The following SLCO1B1 variants were observed in gnomAD, a reference collection of about 807,000 sequenced individuals.
SLCO1B1 encodes OATP-2.
Under a neutral mutation model 70.1 loss-of-function variants are expected in SLCO1B1, and 81 were observed. That is an observed-to-expected ratio of 1.16 (90% CI 0.97 to 1.39). SLCO1B1 has a LOEUF of 1.39. Ranked by LOEUF, SLCO1B1 falls within the 40% of genes most tolerant of loss-of-function variation. The probability of loss-of-function intolerance (pLI) is 0.00; values close to 1 mark genes in which losing one functional copy is unlikely to be tolerated. For synonymous variants in SLCO1B1, 283 were observed against 271.5 expected (o/e 1.04, Z -0.42); for missense variants, 895 against 799.6 (o/e 1.12, Z -1.44).
chr12:21,191,771 C>G (rs1370767979), intron 7 of SLCO1B1, among the ~76,000 whole-genome samples: 1 of 151,964 alleles, frequency 6.6e-6, no homozygotes, highest in Non-Finnish European at 1.5e-5. Flanking sequence ...TTTAAATATG[C>G]ACTTCATTTT....
intron 1 of SLCO1B1, among the ~76,000 whole-genome samples, chr12:21,131,821 C>A (rs547490301): frequency 1.3e-5 from 2 of 151,756 alleles, no homozygotes; most frequent in South Asian, 4.2e-4. Flanking sequence ...CTTCTCAGTA[C>A]AGTTTTTTTC....
intron 7 of SLCO1B1, among the ~76,000 whole-genome samples, chr12:21,187,052 A>G (rs370265619): frequency 7.2e-5 from 11 of 152,166 alleles, no homozygotes; most frequent in African/African-American, 2.7e-4. Context: ...TTGAGAAAGC[A>G]TATCTGCATG....
chr12:21,186,661 T>TA (rs1399178951), intron 7 of SLCO1B1, among the ~76,000 whole-genome samples: 1 of 151,194 alleles, frequency 6.6e-6, no homozygotes, highest in African/African-American at 2.4e-5. Context: ...AAGATCATTG[T>TA]AAAAAACAAA....
At chr12:21,159,280 G>A (rs76395455) in intron 2 of SLCO1B1, among the ~76,000 whole-genome samples, 9,049 of 152,090 alleles carry the variant, frequency 0.059, 857 homozygotes, top group African/African-American at 0.2. Flanking sequence ...ATAAGAAAAA[G>A]AGCTGACCAA....
rs569840043 is a variant in SLCO1B1, at chr12:21,165,443, G to T, written c.85-7207G>T. Among the ~76,000 whole-genome samples, 4 of 152,164 alleles carry T rather than the reference G, an allele frequency of 2.6e-5. No individual in the cohort carries two copies. In the South Asian group the frequency reaches 8.3e-4, roughly 32 times the overall value. On this transcript the variant is annotated intron_variant, in intron 2 of 14. Coordinates refer to ENST00000256958, the MANE Select transcript of SLCO1B1 (RefSeq NM_006446.5). ...AAGGCAAGACATATGCTCATAAAAC[G>T]TCTGAGAAGATTGTATCCTTTTACC...
intron 2 of SLCO1B1, among the ~76,000 whole-genome samples, chr12:21,152,623 A>C: frequency 7.3e-6 from 1 of 136,810 alleles, no homozygotes; most frequent in Non-Finnish European, 1.5e-5. Context: ...TGGGTTTGGT[A>C]GAGTGAGATG....
intron 2 of SLCO1B1, among the ~76,000 whole-genome samples, chr12:21,168,495 T>A (rs7139376): frequency 6.6e-6 from 1 of 152,102 alleles, no homozygotes. Flanking sequence ...TCATGAAAGC[T>A]GAACCATTTT....
intron 10 of SLCO1B1, among the ~76,000 whole-genome samples, chr12:21,204,478 TATA>T: frequency 6.7e-6 from 1 of 149,816 alleles, no homozygotes; most frequent in South Asian, 2.1e-4. Context: ...CTCAATCTTT[TATA>T]AGAGTGTGAA....
chr12:21,178,763 T>C (rs1178724027), intron 6 of SLCO1B1, 41 bp downstream of exon 6: 1 of 1,547,804 alleles, frequency 6.5e-7, no homozygotes. Context: ...TCACTTTCCC[T>C]TTGTCTACTT....
chr12:21,181,293 C>T (rs4149059), intron 7 of SLCO1B1, among the ~76,000 whole-genome samples: 45,164 of 151,866 alleles, frequency 0.3, 7,275 homozygotes, highest in East Asian at 0.49. Flanking sequence ...CTATCTAGCG[C>T]GATTATGACC....
At chr12:21,148,893 T>C (rs1940427562) in intron 2 of SLCO1B1, among the ~76,000 whole-genome samples, 1 of 152,136 alleles carries the variant, frequency 6.6e-6, no homozygotes, top group East Asian at 1.9e-4. Flanking sequence ...TCCTCTCTTA[T>C]TTCATTGAGC....
rs1176615755 is a variant in SLCO1B1 at position 21,224,721 on chromosome 12, G to A, written c.1748-1G>A. On this transcript the variant is annotated splice_acceptor_variant, in intron 13 of 14. Coordinates refer to ENST00000256958, the MANE Select transcript of SLCO1B1 (RefSeq NM_006446.5). LOFTEE classifies it high-confidence loss of function. ...TGACATCTTCTCTTCTCCTATTACA[G>A]GAGGAATTCTAGCTCCAATATATTT... 6.4e-7 allele frequency: 1 copy of A among 1,565,926 alleles called. No homozygotes were observed.
intron 14 of SLCO1B1, among the ~76,000 whole-genome samples, chr12:21,238,207 A>G (rs899561320): frequency 1.3e-5 from 2 of 152,136 alleles, no homozygotes; most frequent in Non-Finnish European, 2.9e-5. Context: ...GAGAGTCTTC[A>G]TCAGTTGTGT....
chr12:21,147,632 A>G (rs1160626497), intron 2 of SLCO1B1, among the ~76,000 whole-genome samples: 1 of 152,212 alleles, frequency 6.6e-6, no homozygotes, highest in Non-Finnish European at 1.5e-5. Context: ...TTTTGGCTGC[A>G]TAGTATTCCA....
chr12:21,135,201 G>T (rs192353622), intron 1 of SLCO1B1, among the ~76,000 whole-genome samples: 1 of 152,020 alleles, frequency 6.6e-6, no homozygotes, highest in East Asian at 1.9e-4. Flanking sequence ...CTGAGAAACA[G>T]TTTGTTATAA....
At position 21,197,154 on chromosome 12, in the gene SLCO1B1, C is replaced by T. The variant is rs1449168657; in HGVS notation, c.936C>T (p.Thr312=). The change falls in exon 8 of 15, where the codon ACC becomes ACT. Residue 312 remains threonine, a synonymous_variant. Transcript: ENST00000256958. The part of the protein sequence containing the change: ...NDEKDQTANL[T]NQGKNITKNV... The stretch of plus-strand genomic sequence containing the variant: ...AAAAGGATCAAACAGCTAATTTGAC[C>T]AATCAAGGAAAAAATATTACCAAAA... The T allele has an allele frequency of 6.2e-7, 1 of 1,613,084 alleles. No homozygotes were observed. Among genetic ancestry groups the T allele is most frequent in the Non-Finnish European group, 8.5e-7 (1 of 1,179,430 alleles).
At chr12:21,140,572 CTT>C (rs1306840529) in intron 1 of SLCO1B1, among the ~76,000 whole-genome samples, 2 of 151,890 alleles carry the variant, frequency 1.3e-5, no homozygotes, top group Non-Finnish European at 2.9e-5. Flanking sequence ...TTAAGAACAT[CTT>C]TAATATGAAA....
intron 14 of SLCO1B1, among the ~76,000 whole-genome samples, chr12:21,231,460 T>C (rs77601604): frequency 0.019 from 2,837 of 152,174 alleles, 40 homozygotes; most frequent in Non-Finnish European, 0.029. Flanking sequence ...ACCTCCTATT[T>C]TTCCCAAGGA....
In SLCO1B1 at chr12:21,224,802, C is replaced by T. The variant is rs748860610; in HGVS notation, c.1828C>T (p.Arg610Cys). The change falls in exon 14 of 15, where the codon CGT (arginine) becomes TGT (cysteine). Residue 610 changes from arginine to cysteine, a missense_variant. By Grantham distance (180) the Arg-to-Cys change is radical. Coordinates refer to ENST00000256958, the MANE Select transcript of SLCO1B1 (RefSeq NM_006446.5). The stretch of plus-strand genomic sequence containing the variant: ...GTGGTCCACCAACAACTGTGGCACA[C>T]GTGGGTCATGTAGGACATATAATTC... ...IKWSTNNCGTRGSCRTYNSTS... is the reference protein window; with the variant it reads ...IKWSTNNCGTCGSCRTYNSTS... 52 of 1,608,700 alleles carry T rather than the reference C, an allele frequency of 3.2e-5. No homozygotes were observed. The highest frequency in any genetic ancestry group is 3.0e-4 in the Admixed American group (18 of 59,852).
Sources: gnomAD v4.1 joint callset for allele counts (sites outside exome capture counted in the v4.1 genomes callset) on GRCh38, gnomAD v4.1.1 for gene constraint, MANE v1.5 for transcripts, NCBI Gene and HGNC (gene_info 2026-07-23, HGNC 2026-07-21) for gene names.